Variants in ATAD2B observed in about 807,000 individuals in gnomAD.
ATAD2B encodes the protein ATPase family AAA domain containing 2B.
ATAD2B carries 40 observed loss-of-function variants against 167.6 expected under a neutral mutation model. The observed-to-expected ratio is 0.24, with a 90% CI of 0.19 to 0.31. The LOEUF is 0.31. Ranked by LOEUF, ATAD2B falls within the 10% of genes least tolerant of loss-of-function variation. ATAD2B has a pLI of 1.00. For missense variants in ATAD2B, 1,242 were observed against 1,757.2 expected (o/e 0.71, Z 5.24); for synonymous variants, 579 against 596.5 (o/e 0.97, Z 0.43).
At chr2:23,863,091 G>A (rs1694657262) in intron 12 of ATAD2B, among the ~76,000 whole-genome samples, 1 of 152,090 alleles carries the variant, frequency 6.6e-6, no homozygotes, top group Admixed American at 6.6e-5. Flanking sequence ...CAGATTGCTT[G>A]AGCCCAGGAG....
downstream of ATAD2B, among the ~76,000 whole-genome samples, chr2:23,745,368 A>AGAAGGAAGGAAAGAAGGAAGGAAG (rs1674784813): frequency 1.9e-5 from 1 of 52,884 alleles, no homozygotes; most frequent in Admixed American, 2.4e-4. Flanking sequence ...AAGGAAGGAA[A>AGAAGGAAGGAAAGAAGGAAGGAAG]GAAGGAAGGA....
intron 21 of ATAD2B, among the ~76,000 whole-genome samples, chr2:23,785,547 A>G (rs1572741283): frequency 6.6e-6 from 1 of 152,118 alleles, no homozygotes; most frequent in South Asian, 2.1e-4. Flanking sequence ...TGCACGGGAT[A>G]TGTTTTAACT....
chr2:23,798,401 G>T, intron 18 of ATAD2B, 78 bp from the exon 19 acceptor site: 1 of 1,156,176 alleles, frequency 8.6e-7, no homozygotes, highest in Non-Finnish European at 1.2e-6. Context: ...CCAAATACAT[G>T]AAATATGTCA....
At chr2:23,824,550 TTAAAG>T (rs1246019580) in intron 15 of ATAD2B, among the ~76,000 whole-genome samples, 4 of 152,228 alleles carry the variant, frequency 2.6e-5, no homozygotes, top group African/African-American at 9.6e-5. Context: ...TCCAAATATA[TTAAAG>T]TAAATAAGAA....
At chr2:23,727,449 G>A in the ATAD2B span, among the ~76,000 whole-genome samples, 1 of 152,164 alleles carries the variant, frequency 6.6e-6, no homozygotes, top group South Asian at 2.1e-4. Context: ...GGACAAACAA[G>A]AACACTGTTG....
Position 23,864,881 on chromosome 2 carries a change from G to T in ATAD2B, c.1232C>A (p.Ala411Glu). ...SIGGLSHHIH[A>E]LKEMVVFPLL... ...TGGGAATACTACCATTTCCTTTAGC[G>T]CATGAATATGATGGCTCAATCCACC... Residue 411 changes from alanine (A) to glutamate (E), a missense_variant, in exon 11 of 28, where the codon GCG (alanine) becomes GAG (glutamate). Ala to Glu is a moderately radical substitution (Grantham distance 107). Coordinates refer to ENST00000238789, the MANE Select transcript of ATAD2B (RefSeq NM_017552.4). 6.3e-7 allele frequency: 1 copy of T among 1,597,626 alleles called. No individual in the cohort carries two copies. Among genetic ancestry groups the T allele is most frequent in the Non-Finnish European group, 8.5e-7 (1 of 1,172,634 alleles).
intron 13 of ATAD2B, among the ~76,000 whole-genome samples, chr2:23,850,275 A>T (rs76349747): frequency 0.012 from 1,862 of 152,334 alleles, 36 homozygotes; most frequent in African/African-American, 0.042. Flanking sequence ...CATCTAAATT[A>T]AATACACAAT....
At chr2:23,871,977 A>T (rs1696052375) in intron 8 of ATAD2B, among the ~76,000 whole-genome samples, 1 of 152,118 alleles carries the variant, frequency 6.6e-6, no homozygotes, top group South Asian at 2.1e-4. Flanking sequence ...TCCTGGGTTC[A>T]CGCGATTCTC....
chr2:23,754,242 A>C lies in ATAD2B; in HGVS notation c.4272T>G (p.Tyr1424Ter). The C allele has an allele frequency of 6.4e-7, 1 of 1,563,166 alleles. No homozygotes were observed. Among genetic ancestry groups the C allele is most frequent in the Non-Finnish European group, 8.7e-7 (1 of 1,151,366 alleles). The change falls in exon 27 of 28, where the codon TAT (tyrosine) becomes TAG (stop). Residue 1424 changes from tyrosine to a stop codon, truncating the protein, a stop_gained. Transcript: ENST00000238789. LOFTEE classifies it high-confidence loss of function. ...NLAVDQLERL[Y>*]SLLSQCIYRH... ...GGTAGATACACTGACTAAGAAGAGA[A>C]TATAATCTCTCAAGCTGATCAACTG...
intron 1 of ATAD2B, among the ~76,000 whole-genome samples, chr2:23,896,787 AGTCTCC>A (rs1337755227): frequency 6.6e-6 from 1 of 152,154 alleles, no homozygotes; most frequent in Non-Finnish European, 1.5e-5. Context: ...GGACCTCCTC[AGTCTCC>A]CTCAATCAGT....
chr2:23,795,086 C>T (rs1367390894), intron 19 of ATAD2B, among the ~76,000 whole-genome samples: 2 of 151,996 alleles, frequency 1.3e-5, no homozygotes, highest in Non-Finnish European at 2.9e-5. Context: ...CTTCCTTTCT[C>T]CTTCCTCTGT....
chr2:23,782,969 T>G lies in ATAD2B; in HGVS notation c.3033A>C (p.Lys1011Asn). 6.3e-7 allele frequency: 1 copy of G among 1,592,646 alleles called. No individual in the cohort carries two copies. The highest frequency in any genetic ancestry group is 8.6e-7 in the Non-Finnish European group (1 of 1,161,282). Residue 1011 changes from lysine to asparagine, a missense_variant, in exon 22 of 28, where the codon AAA (lysine) becomes AAC (asparagine). By Grantham distance (94) the Lys-to-Asn change is moderately conservative (BLOSUM62 0). This residue lies in a region of ATAD2B where 204 missense variants were observed against 324.0 expected (regional missense o/e 0.63). Transcript: ENST00000238789. Reference protein sequence around the residue: ...EPMDLSTVITKIDKHNYLTAK... With the variant: ...EPMDLSTVITNIDKHNYLTAK... ...CAGTCAGGTAATTATGTTTATCAAT[T>G]TTAGTTATTACTGTTGATAAGTCCA...
At chr2:23,924,862 G>A (rs1157520235) in intron 1 of ATAD2B, among the ~76,000 whole-genome samples, 1 of 152,092 alleles carries the variant, frequency 6.6e-6, no homozygotes, top group Non-Finnish European at 1.5e-5. Flanking sequence ...TATAACAGCT[G>A]CTTGACAAAT....
chr2:23,849,137 T>C (rs182994164), intron 13 of ATAD2B, among the ~76,000 whole-genome samples: 106 of 152,174 alleles, frequency 7.0e-4, no homozygotes, highest in African/African-American at 2.5e-3. Context: ...ATATCAATAA[T>C]TACATTAAAC....
At chr2:23,703,518 G>A in the ATAD2B span, 13 of 1,066,184 alleles carry the variant, frequency 1.2e-5, no homozygotes, top group South Asian at 3.4e-5. Context: ...AGGAGTTGCC[G>A]AGCCCCCAGC....
chr2:23,711,113 T>A, the ATAD2B span, among the ~76,000 whole-genome samples: 4 of 152,124 alleles, frequency 2.6e-5, no homozygotes, highest in Non-Finnish European at 5.9e-5. Flanking sequence ...TACACATATA[T>A]AAAGATATAT....
intron 22 of ATAD2B, among the ~76,000 whole-genome samples, chr2:23,766,993 A>G (rs1430677132): frequency 1.4e-4 from 22 of 151,954 alleles, no homozygotes; most frequent in Non-Finnish European, 3.1e-4. Context: ...GAGTTTGGAG[A>G]TTTCAAGAAA....
intron 19 of ATAD2B, among the ~76,000 whole-genome samples, chr2:23,789,326 T>A (rs77030661): frequency 0.022 from 3,290 of 152,274 alleles, 130 homozygotes; most frequent in African/African-American, 0.075. Context: ...CTCATCCAAA[T>A]TTGTCTACTA....
At chr2:23,728,780 T>C in the ATAD2B span, among the ~76,000 whole-genome samples, 1 of 152,172 alleles carries the variant, frequency 6.6e-6, no homozygotes, top group Non-Finnish European at 1.5e-5. Flanking sequence ...TTAAAAAAAT[T>C]CCAAATTATA....
Sources: allele counts gnomAD v4.1 joint callset (sites outside exome capture counted in the v4.1 genomes callset), GRCh38; gene constraint gnomAD v4.1.1; regional missense constraint gnomAD v4.1.1; transcripts MANE v1.5; gene names NCBI Gene and HGNC (gene_info 2026-07-23, HGNC 2026-07-21).